Variants in DTNA observed in about 807,000 individuals in gnomAD.
The protein encoded by DTNA is dystrophin-related protein 3.
Under a neutral mutation model 100.7 loss-of-function variants are expected in DTNA, and 43 were observed. That is an observed-to-expected ratio of 0.43 (90% CI 0.33 to 0.55). DTNA has a LOEUF of 0.55. DTNA is among the 20% of genes least tolerant of loss of function. The probability of loss-of-function intolerance (pLI) is 0.04; values close to 1 mark genes in which losing one functional copy is unlikely to be tolerated. For synonymous variants in DTNA, 349 were observed against 347.9 expected (o/e 1.00, Z -0.04); for missense variants, 798 against 953.9 (o/e 0.84, Z 2.15).
chr18:34,745,417 G>A (rs116237878), intron 1 of DTNA, among the ~76,000 whole-genome samples: 5,086 of 152,124 alleles, frequency 0.033, 291 homozygotes, highest in African/African-American at 0.12. Context: ...AATTGGGGGA[G>A]GATCTATTTC....
intron 1 of DTNA, among the ~76,000 whole-genome samples, chr18:34,511,735 C>G (rs927364492): frequency 6.6e-6 from 1 of 152,014 alleles, no homozygotes; most frequent in East Asian, 1.9e-4. Context: ...TATACAGAAT[C>G]AGAGTCTGCT....
intron 1 of DTNA, among the ~76,000 whole-genome samples, chr18:34,749,216 T>C (rs1239520983): frequency 6.6e-6 from 1 of 152,164 alleles, no homozygotes; most frequent in Non-Finnish European, 1.5e-5. Flanking sequence ...AGGAGCTTTT[T>C]GGACTAGTCT....
intron 1 of DTNA, among the ~76,000 whole-genome samples, chr18:34,498,447 TAATA>T (rs2039518644): frequency 2.5e-5 from 2 of 80,998 alleles, no homozygotes; most frequent in African/African-American, 8.5e-5. Flanking sequence ...AATAATATAA[TAATA>T]ATAATAATAA....
chr18:34,565,301 C>G (rs776967007), intron 1 of DTNA, among the ~76,000 whole-genome samples: 2 of 152,166 alleles, frequency 1.3e-5, no homozygotes, highest in Non-Finnish European at 2.9e-5. Flanking sequence ...AGAAGAAATT[C>G]AGAGTCTTGC....
At position 34,888,871 on chromosome 18, in the gene DTNA, AATGTTG is replaced by A; in HGVS notation, c.*1140_*1145del. On this transcript the variant is annotated 3_prime_UTR_variant, in exon 23 of 23. Coordinates refer to ENST00000444659, the MANE Select transcript of DTNA (RefSeq NM_001386795.1). Reference sequence around the variant, plus strand: ...AAACGTTTGCTCTCCTTTTTTTCTGAATGTTGATTGCCTTAGCTGGCCACCTGGTGT... The same window carrying A: ...AAACGTTTGCTCTCCTTTTTTTCTGAATTGCCTTAGCTGGCCACCTGGTGT... The A allele has an allele frequency of 1.0e-6, 1 of 985,722 alleles. No individual in the cohort carries two copies. Among genetic ancestry groups the A allele is most frequent in the Non-Finnish European group, 1.2e-6 (1 of 829,902 alleles). The allele number at this position is 985,722 out of a possible 1,614,324, so 61.1% of individuals were successfully genotyped here.
intron 1 of DTNA, among the ~76,000 whole-genome samples, chr18:34,638,461 A>G (rs1306856031): frequency 6.6e-6 from 1 of 152,210 alleles, no homozygotes; most frequent in African/African-American, 2.4e-5. Flanking sequence ...TAGGCAGTCT[A>G]ACTCCACCAA....
At chr18:34,528,954 C>G (rs1200427858) in intron 1 of DTNA, among the ~76,000 whole-genome samples, 1 of 152,054 alleles carries the variant, frequency 6.6e-6, no homozygotes, top group Non-Finnish European at 1.5e-5. Flanking sequence ...TTTCTGATCT[C>G]CCTTATAAGT....
chr18:34,707,961 T>C (rs2082323670), upstream of DTNA, among the ~76,000 whole-genome samples: 1 of 152,244 alleles, frequency 6.6e-6, no homozygotes, highest in African/African-American at 2.4e-5. Flanking sequence ...AACTGATTTG[T>C]TGTGGGGCTT....
intron 17 of DTNA, among the ~76,000 whole-genome samples, chr18:34,865,282 C>CT (rs71927925): frequency 0.16 from 23,860 of 151,608 alleles, 2,257 homozygotes; most frequent in African/African-American, 0.27. Flanking sequence ...CTTTCTTTCT[C>CT]TTTTTTTTGT....
chr18:34,742,981 C>T (rs550563871), intron 1 of DTNA, among the ~76,000 whole-genome samples: 89 of 152,166 alleles, frequency 5.8e-4, no homozygotes, highest in South Asian at 1.7e-3. Flanking sequence ...AGCTATTCTT[C>T]CTCACTCAAA....
chr18:34,709,236 G>C (rs1368976320), upstream of DTNA: 1 of 152,182 alleles, frequency 6.6e-6, no homozygotes, highest in Admixed American at 6.5e-5. Context: ...CAATGTTCCT[G>C]TTCCTCTGGG....
intron 1 of DTNA, among the ~76,000 whole-genome samples, chr18:34,711,069 T>C (rs189954692): frequency 6.6e-6 from 1 of 152,326 alleles, no homozygotes; most frequent in African/African-American, 2.4e-5. Flanking sequence ...GTATGTGTGA[T>C]ACAGGATTTA....
chr18:34,701,378 T>G (rs375392120), intron 1 of DTNA, among the ~76,000 whole-genome samples: 25 of 152,130 alleles, frequency 1.6e-4, no homozygotes, highest in African/African-American at 6.0e-4. Context: ...AATCACCTGT[T>G]TCTTCCTGAA....
At chr18:34,687,791 T>C (rs1199877219) in intron 1 of DTNA, among the ~76,000 whole-genome samples, 1 of 152,236 alleles carries the variant, frequency 6.6e-6, no homozygotes, top group African/African-American at 2.4e-5. Flanking sequence ...TGTAAGTCTC[T>C]AAGAACTTTC....
intron 1 of DTNA, among the ~76,000 whole-genome samples, chr18:34,550,504 GA>G (rs1413917660): frequency 3.9e-5 from 6 of 152,036 alleles, no homozygotes. Context: ...CAGGTGAATC[GA>G]CACATTTTTT....
chr18:34,524,638 C>T (rs1407945908), intron 1 of DTNA, among the ~76,000 whole-genome samples: 1 of 152,052 alleles, frequency 6.6e-6, no homozygotes, highest in Non-Finnish European at 1.5e-5. Flanking sequence ...TTGGACAGAG[C>T]AAAATTATTT....
intron 17 of DTNA, chr18:34,867,123 C>T (rs1364671152): frequency 2.4e-6 from 3 of 1,231,166 alleles, no homozygotes; most frequent in Non-Finnish European, 3.0e-6. Flanking sequence ...CACATTATTT[C>T]CATGGATCAA....
chr18:34,707,428 A>T (rs1043340163), upstream of DTNA, among the ~76,000 whole-genome samples: 1 of 152,216 alleles, frequency 6.6e-6, no homozygotes, highest in African/African-American at 2.4e-5. Flanking sequence ...AAGGGGATTT[A>T]AAACTTTGTG....
At chr18:34,784,020 C>A (rs1407040703) in intron 3 of DTNA, among the ~76,000 whole-genome samples, 1 of 152,138 alleles carries the variant, frequency 6.6e-6, no homozygotes, top group Non-Finnish European at 1.5e-5. Flanking sequence ...AGCAGTGGTT[C>A]TCAAACTTTA....
Sources: allele counts gnomAD v4.1 joint callset (sites outside exome capture counted in the v4.1 genomes callset), GRCh38; gene constraint gnomAD v4.1.1; transcripts MANE v1.5; gene names NCBI Gene and HGNC (gene_info 2026-07-23, HGNC 2026-07-21).